Variants in DNAH17 observed in about 807,000 individuals in gnomAD.
The protein encoded by DNAH17 is axonemal beta dynein heavy chain 17.
Under a neutral mutation model 485.6 loss-of-function variants are expected in DNAH17, and 376 were observed. The observed-to-expected ratio is 0.77, with a 90% CI of 0.71 to 0.84. DNAH17 has a LOEUF of 0.84. Ranked by LOEUF, DNAH17 falls within the 40% of genes least tolerant of loss-of-function variation. DNAH17 has a pLI of 0.00. For missense variants in DNAH17, 6,370 were observed against 5,839.3 expected (o/e 1.09, Z -2.96); for synonymous variants, 3,031 against 2,405.9 (o/e 1.26, Z -7.60).
At chr17:78,444,285 G>A (rs894474904) in intron 71 of DNAH17, among the ~76,000 whole-genome samples, 1 of 152,118 alleles carries the variant, frequency 6.6e-6, no homozygotes, top group Non-Finnish European at 1.5e-5. Flanking sequence ...TTCCTATCAT[G>A]TATCGCAGGG....
chr17:78,508,234 G>A (rs2090541830), intron 27 of DNAH17, among the ~76,000 whole-genome samples: 1 of 152,176 alleles, frequency 6.6e-6, no homozygotes, highest in Admixed American at 6.5e-5. Flanking sequence ...GCCTCATGCT[G>A]TTCCTGGGAA....
chr17:78,432,802 C>G (rs548365316), intron 75 of DNAH17, among the ~76,000 whole-genome samples: 14 of 152,160 alleles, frequency 9.2e-5, no homozygotes, highest in African/African-American at 3.4e-4. Context: ...CTCATTGAAC[C>G]CCCAGGCCCT....
intron 54 of DNAH17, among the ~76,000 whole-genome samples, chr17:78,469,235 A>G (rs2088635529): frequency 6.6e-6 from 1 of 151,812 alleles, no homozygotes; most frequent in East Asian, 1.9e-4. Flanking sequence ...TCCACCTCCC[A>G]GGTTCACGCC....
At position 78,451,612 on chromosome 17, in the gene DNAH17, T is replaced by G; in HGVS notation, c.10591A>C (p.Thr3531Pro). Residue 3531 changes from threonine (T) to proline (P), a missense_variant, in exon 66 of 81, where the codon ACC (threonine) becomes CCC (proline). Thr to Pro is a conservative substitution (Grantham distance 38). Transcript: ENST00000389840. ...TTGTAGTGTGGGTTGAAGTACTTGG[T>G]GTGTAGGATCAGGCGGAACTTGGGG... ...YHPKFRLILH[T>P]KYFNPHYKPE... is the part of the protein sequence containing the mutation. 2 of 1,608,338 alleles carry G rather than the reference T, an allele frequency of 1.2e-6. No individual in the cohort carries two copies. The highest frequency in any genetic ancestry group is 1.7e-6 in the Non-Finnish European group (2 of 1,177,440).
intron 20 of DNAH17, among the ~76,000 whole-genome samples, chr17:78,531,035 G>C (rs2091221958): frequency 6.6e-6 from 1 of 152,202 alleles, no homozygotes; most frequent in South Asian, 2.1e-4. Context: ...GTTGGGTAAA[G>C]TGTTCTGTAG....
At chr17:78,468,358 C>T (rs1415183237) in intron 55 of DNAH17, among the ~76,000 whole-genome samples, 2 of 152,096 alleles carry the variant, frequency 1.3e-5, no homozygotes, top group Non-Finnish European at 2.9e-5. Context: ...CCATGGCGGT[C>T]CTGGAATCCA....
At chr17:78,443,897 G>T (rs1286751070) in intron 71 of DNAH17, among the ~76,000 whole-genome samples, 1 of 152,108 alleles carries the variant, frequency 6.6e-6, no homozygotes, top group African/African-American at 2.4e-5. Context: ...CTGCTTTCAG[G>T]CTACTTGGAG....
chr17:78,556,245 A>C (rs1368621329), intron 14 of DNAH17, among the ~76,000 whole-genome samples: 1 of 151,868 alleles, frequency 6.6e-6, no homozygotes, highest in Non-Finnish European at 1.5e-5. Flanking sequence ...CCATCCTCCC[A>C]TCTGTCTATC....
At chr17:78,501,707 C>G in intron 34 of DNAH17, 35 bp downstream of exon 34, 1 of 1,605,216 alleles carries the variant, frequency 6.2e-7, no homozygotes, top group Non-Finnish European at 8.5e-7. Flanking sequence ...GTCCCCTTGC[C>G]CTTCCCCTGG....
chr17:78,467,557 G>T (rs1473500781), intron 55 of DNAH17, among the ~76,000 whole-genome samples: 1 of 152,190 alleles, frequency 6.6e-6, no homozygotes, highest in Non-Finnish European at 1.5e-5. Context: ...CCGCAGAGGG[G>T]AGGGAGGACC....
At position 78,502,450 on chromosome 17, in the gene DNAH17, C is replaced by T. The variant is rs537773319; in HGVS notation, c.5190+141G>A. ...GTGGCTGTTATTTGGCCTGTGGAAA[C>T]GACGGTTTTGCGGGGCTCAGCCTCC... On this transcript the variant is annotated intron_variant, in intron 33 of 80. Coordinates refer to ENST00000389840, the MANE Select transcript of DNAH17 (RefSeq NM_173628.4). The T allele has an allele frequency of 1.1e-3, 833 of 758,262 alleles. 4 individuals carry two copies. The highest frequency in any genetic ancestry group is 2.7e-3 in the Admixed American group (85 of 31,668). 47.0% of individuals were successfully genotyped at this position (758,262 alleles called of 1,614,324 possible).
chr17:78,571,210 G>A, intron 5 of DNAH17, 69 bp downstream of exon 5: 2 of 1,438,856 alleles, frequency 1.4e-6, no homozygotes, highest in Non-Finnish European at 1.9e-6. Flanking sequence ...TTGGTGACAA[G>A]TCTGACCCAG....
Position 78,491,549 on chromosome 17 carries a change from C to G in DNAH17, c.6563G>C (p.Arg2188Pro), listed in dbSNP as rs763505389. Reference sequence around the variant, plus strand: ...GTCATGGGTGATGTTGGCCAGGTCTCGCATGATGGTGGAGAACAGGCCTGG... The same window carrying G: ...GTCATGGGTGATGTTGGCCAGGTCTGGCATGATGGTGGAGAACAGGCCTGG... ...WKDGLFSTIM[R>P]DLANITHDGP... is the part of the protein sequence containing the mutation. Residue 2188 changes from arginine (R) to proline (P), a missense_variant, in exon 43 of 81, where the codon CGA becomes CCA. Physicochemically the swap from Arg to Pro is moderately radical, Grantham distance 103. Transcript: ENST00000389840. 1 of 1,614,010 alleles carries G rather than the reference C, an allele frequency of 6.2e-7. No individual in the cohort carries two copies. The highest frequency in any genetic ancestry group is 1.3e-5 in the African/African-American group (1 of 75,046).
intron 36 of DNAH17, chr17:78,499,979 G>C: frequency 3.9e-6 from 1 of 259,252 alleles, no homozygotes; most frequent in Non-Finnish European, 7.5e-6. Context: ...CCCACCCCAT[G>C]CTGAACCATG....
chr17:78,433,574 T>C (rs75256281), intron 75 of DNAH17, among the ~76,000 whole-genome samples: 3,137 of 152,186 alleles, frequency 0.021, 113 homozygotes, highest in African/African-American at 0.072. Flanking sequence ...TCCCTCCTGC[T>C]CCAAACCTGG....
chr17:78,552,032 A>T (rs2091913614), intron 15 of DNAH17, among the ~76,000 whole-genome samples: 1 of 152,080 alleles, frequency 6.6e-6, no homozygotes, highest in Non-Finnish European at 1.5e-5. Context: ...CATCACTATG[A>T]GACAGCCCTG....
intron 14 of DNAH17, 21 bp from the exon 15 acceptor site, chr17:78,552,826 G>T: frequency 6.4e-7 from 1 of 1,550,514 alleles, no homozygotes; most frequent in Non-Finnish European, 8.9e-7. Context: ...GAGGTGACAG[G>T]TTTTGTTCCG....
At chr17:78,500,723 G>A (rs2090255004) in intron 35 of DNAH17, 3 of 278,418 alleles carry the variant, frequency 1.1e-5, no homozygotes, top group Admixed American at 9.8e-5. Context: ...TGGCCAGGCT[G>A]GTCTCGAACT....
rs138121301 is a variant in DNAH17 at position 78,450,751 on chromosome 17, A to G, written c.10830T>C (p.Phe3610=). The G allele has an allele frequency of 1.2e-5, 19 of 1,614,012 alleles. No homozygotes were observed. The East Asian group carries it at 4.2e-4, about 36-fold the overall frequency. ...LARLSAASGN[F]LGDTALVENL... is the part of the protein sequence containing the mutation. ...TCTCCACCAAGGCCGTGTCTCCCAGAAAGTTCCCCGACGCAGCCGACAGAC... is the reference window on the plus strand; with the variant it reads ...TCTCCACCAAGGCCGTGTCTCCCAGGAAGTTCCCCGACGCAGCCGACAGAC... The change falls in exon 67 of 81, where the codon TTT becomes TTC. Residue 3610 remains phenylalanine (F), a synonymous_variant. Transcript: ENST00000389840.
Sources: gnomAD v4.1 joint callset for allele counts (sites outside exome capture counted in the v4.1 genomes callset) on GRCh38, gnomAD v4.1.1 for gene constraint, MANE v1.5 for transcripts, NCBI Gene and HGNC (gene_info 2026-07-23, HGNC 2026-07-21) for gene names.